Variants in SORBS2 observed in about 807,000 individuals in gnomAD.
SORBS2 encodes the protein sorbin and SH3 domain containing 2, also known as sorbin and SH3 domain-containing protein 2.
SORBS2 carries 46 observed loss-of-function variants against 97.7 expected under a neutral mutation model. The ratio of observed to expected loss-of-function variants is 0.47; its 90% CI spans 0.37 to 0.60. The LOEUF is 0.60. Ranked by LOEUF, SORBS2 falls within the 20% of genes least tolerant of loss-of-function variation. The pLI is 0.00. For missense variants in SORBS2, 1,316 were observed against 1,282.3 expected, an observed-to-expected ratio of 1.03 and a Z score of -0.40; for synonymous variants, 476 against 473.4, an observed-to-expected ratio of 1.01 and a Z score of -0.07.
chr4:185,846,754 T>C (rs1240297539), intron 1 of SORBS2, among the ~76,000 whole-genome samples: 2 of 152,180 alleles, frequency 1.3e-5, no homozygotes, highest in African/African-American at 2.4e-5. Flanking sequence ...ATTAATCAAG[T>C]TAAACTGTTA....
intron 1 of SORBS2, among the ~76,000 whole-genome samples, chr4:185,792,449 A>T (rs2099084564): frequency 2.0e-5 from 3 of 151,956 alleles, no homozygotes; most frequent in Admixed American, 2.0e-4. Context: ...AGCTGAGATC[A>T]TGCCACTGCA....
At chr4:185,791,243 G>A (rs2099078540) in intron 1 of SORBS2, among the ~76,000 whole-genome samples, 2 of 148,148 alleles carry the variant, frequency 1.3e-5, no homozygotes. Flanking sequence ...AACAAAATAT[G>A]GGCAATACAT....
At chr4:185,817,424 A>T (rs2099193899) in intron 1 of SORBS2, among the ~76,000 whole-genome samples, 1 of 152,184 alleles carries the variant, frequency 6.6e-6, no homozygotes, top group Admixed American at 6.5e-5. Context: ...ATAAGCTTAA[A>T]AAGCGACCTG....
intron 1 of SORBS2, among the ~76,000 whole-genome samples, chr4:185,886,294 G>A (rs955223022): frequency 6.6e-6 from 1 of 152,102 alleles, no homozygotes; most frequent in Non-Finnish European, 1.5e-5. Flanking sequence ...GGTGGCTCAC[G>A]CCTGTAATCC....
intron 1 of SORBS2, among the ~76,000 whole-genome samples, chr4:185,784,124 C>A (rs1392573306): frequency 6.6e-6 from 1 of 152,040 alleles, no homozygotes; most frequent in African/African-American, 2.4e-5. Context: ...GAGAAGAGGG[C>A]TTCCTTGTCC....
rs890468648 is a variant in SORBS2 at position 185,606,912 on chromosome 4, A to G, written c.2796+4868T>C. On this transcript the variant is annotated intron_variant, in intron 12 of 14. Transcript: ENST00000418609. This position sits in a 1 kb window ranked among gnomAD's most constrained non-coding sequence, Gnocchi z 4.3. ...CCCCTAGGACTTCTGGTGCCTTTTT[A>G]GGGTCTGAGAAGCCCCTTCTCATTT... 14 of 988,926 alleles carry G rather than the reference A, an allele frequency of 1.4e-5. No homozygotes were observed. The highest frequency in any genetic ancestry group is 1.0e-4 in the African/African-American group (6 of 57,224). 61.3% of individuals were successfully genotyped at this position (988,926 alleles called of 1,614,324 possible). A position where few individuals can be genotyped will look rare whatever the true frequency, so the allele number is the denominator to read the frequency against.
At chr4:185,900,197 C>T (rs1448574936) in intron 1 of SORBS2, among the ~76,000 whole-genome samples, 2 of 152,130 alleles carry the variant, frequency 1.3e-5, no homozygotes, top group Admixed American at 1.3e-4. Flanking sequence ...GACAATCGTT[C>T]ATAAGTAAAA....
At chr4:185,690,352 G>A (rs536296457) in intron 2 of SORBS2, among the ~76,000 whole-genome samples, 1 of 152,160 alleles carries the variant, frequency 6.6e-6, no homozygotes, top group Non-Finnish European at 1.5e-5. Flanking sequence ...AAGGGAGTAG[G>A]AGCAAGTAAT....
At chr4:185,703,001 T>C (rs984555463) in intron 2 of SORBS2, among the ~76,000 whole-genome samples, 1 of 152,192 alleles carries the variant, frequency 6.6e-6, no homozygotes, top group Non-Finnish European at 1.5e-5. Context: ...TAAAGACCCG[T>C]GCTTCTGATA....
chr4:185,618,727 G>T (rs1055275886), intron 8 of SORBS2, 96 bp from the exon 21 acceptor site: 1 of 642,376 alleles, frequency 1.6e-6, no homozygotes, highest in East Asian at 2.6e-5. Flanking sequence ...AAACCTCAGG[G>T]AATCATCAAA....
chr4:185,683,944 G>T (rs558239807), intron 2 of SORBS2, among the ~76,000 whole-genome samples: 1 of 152,138 alleles, frequency 6.6e-6, no homozygotes, highest in South Asian at 2.1e-4. Flanking sequence ...TCTCACTTCT[G>T]CTGTAAGACC....
intron 1 of SORBS2, among the ~76,000 whole-genome samples, chr4:185,945,655 A>C (rs2099274181): frequency 1.3e-5 from 2 of 152,214 alleles, no homozygotes; most frequent in Non-Finnish European, 1.5e-5. Flanking sequence ...TTCACTCAAC[A>C]AACATTTCTC....
rs187886503 is a variant in SORBS2, at chr4:185,909,791, C to T, written c.-338+46405G>A. ...TTTGACACAGTTGATTTTTCTGCTG[C>T]ATTTCTTTTTCTACAAAGAGAAATA... On this transcript the variant is annotated intron_variant, in intron 1 of 20. Transcript: ENST00000284776. 1.4e-3 allele frequency among the ~76,000 whole-genome samples: 210 copies of T among 151,100 alleles called. 4 individuals are homozygous for T. Among genetic ancestry groups the T allele is most frequent in the African/African-American group, 4.7e-3 (196 of 41,272 alleles).
intron 2 of SORBS2, among the ~76,000 whole-genome samples, chr4:185,698,770 A>G (rs1456941267): frequency 3.3e-5 from 5 of 152,244 alleles, no homozygotes; most frequent in African/African-American, 1.2e-4. Context: ...CTTTTGCCCA[A>G]TCACAGCACA....
At chr4:185,870,629 C>A (rs575681027) in intron 1 of SORBS2, among the ~76,000 whole-genome samples, 2 of 152,188 alleles carry the variant, frequency 1.3e-5, no homozygotes, top group Admixed American at 6.5e-5. Flanking sequence ...GGGAACCATG[C>A]GGCTCCGGCT....
chr4:185,949,032 G>C (rs1032967121), intron 1 of SORBS2, among the ~76,000 whole-genome samples: 1 of 151,880 alleles, frequency 6.6e-6, no homozygotes, highest in Admixed American at 6.6e-5. Flanking sequence ...AGAAGAAACA[G>C]GTGCTCTTTA....
intron 4 of SORBS2, chr4:185,645,584 G>A (rs1449136373): frequency 2.0e-5 from 3 of 152,352 alleles, no homozygotes; most frequent in East Asian, 3.9e-4. Flanking sequence ...GGACACTCAT[G>A]TTGGGTGTGG....
In SORBS2 at chr4:185,868,159, C is replaced by CTTTTTTTTTTTTTTTTTTTTT. The variant is rs112680775; in HGVS notation, c.-338+88036_-338+88037insAAAAAAAAAAAAAAAAAAAAA. Among the ~76,000 whole-genome samples, 4 of 105,222 alleles carry CTTTTTTTTTTTTTTTTTTTTT rather than the reference C, an allele frequency of 3.8e-5. 1 individual carries two copies. The highest frequency in any genetic ancestry group is 1.2e-4 in the African/African-American group (3 of 25,594). The allele number at this position is 105,222 out of a possible 152,430, so 69.0% of individuals were successfully genotyped here. ...TCTCTTTTCTTTTCTTTTTTTCTTT[C>CTTTTTTTTTTTTTTTTTTTTT]TTTTTTTTTTTTTTTGAGGCAGAGT... On this transcript the variant is annotated intron_variant, in intron 1 of 20. Coordinates refer to the SORBS2 transcript ENST00000284776.
chr4:185,693,682 A>C (rs1323375146), intron 2 of SORBS2, among the ~76,000 whole-genome samples: 1 of 152,236 alleles, frequency 6.6e-6, no homozygotes, highest in Non-Finnish European at 1.5e-5. Flanking sequence ...TTCGGGCTAG[A>C]ATAATAGTGA....
Sources: gnomAD v4.1 joint callset for allele counts (sites outside exome capture counted in the v4.1 genomes callset) on GRCh38, gnomAD v4.1.1 for gene constraint, Gnocchi (gnomAD v3.1) non-coding constraint, MANE v1.5 for transcripts, NCBI Gene and HGNC (gene_info 2026-07-23, HGNC 2026-07-21) for gene names.